Variants in ROR2 observed in about 807,000 individuals in gnomAD.
The protein encoded by ROR2 is tyrosine-protein kinase transmembrane receptor ROR2.
In ROR2, 33 loss-of-function variants were observed where a neutral mutation model predicts 74.9. The observed-to-expected ratio is 0.44, with a 90% CI of 0.33 to 0.59. The LOEUF (loss-of-function observed/expected upper bound fraction) is 0.59. ROR2 is among the 20% of genes least tolerant of loss of function. The pLI, the probability that ROR2 is intolerant of heterozygous loss-of-function variation, is 0.02. For missense variants in ROR2, 1,216 were observed against 1,313.8 expected (o/e 0.93, Z 1.15); for synonymous variants, 586 against 558.7 (o/e 1.05, Z -0.69).
chr9:91,732,463 C>T lies in ROR2; in HGVS notation c.937+659G>A, dbSNP rs1837275805. Among the ~76,000 whole-genome samples, 5 of 152,148 alleles carry T rather than the reference C, an allele frequency of 3.3e-5. No individual in the cohort carries two copies. The South Asian group carries it at 1.0e-3, about 31-fold the overall frequency. On this transcript the variant is annotated intron_variant, in intron 6 of 8. Coordinates refer to ENST00000375708, the MANE Select transcript of ROR2 (RefSeq NM_004560.4). The stretch of plus-strand genomic sequence containing the variant: ...CCAGGCCCCGGGCTCAGAACTGTCC[C>T]CCTCCCCCACGCTCATCCCTTAGGC...
intron 1 of ROR2, among the ~76,000 whole-genome samples, chr9:91,919,254 C>T (rs1831210523): frequency 1.3e-5 from 2 of 152,202 alleles, no homozygotes; most frequent in African/African-American, 4.8e-5. Flanking sequence ...GATCCCCTTG[C>T]TTTTAAACAG....
intron 2 of ROR2, among the ~76,000 whole-genome samples, chr9:91,759,387 C>T (rs1292670099): frequency 6.6e-6 from 1 of 152,188 alleles, no homozygotes; most frequent in Non-Finnish European, 1.5e-5. Flanking sequence ...TTTCCATTCA[C>T]TGAATTAAGT....
intron 1 of ROR2, among the ~76,000 whole-genome samples, chr9:91,912,870 T>C (rs553211944): frequency 2.0e-5 from 3 of 152,272 alleles, no homozygotes; most frequent in Non-Finnish European, 4.4e-5. Context: ...GGCTCACGCC[T>C]GTAATCCCAG....
At chr9:91,815,038 T>C (rs1487590128) in intron 1 of ROR2, among the ~76,000 whole-genome samples, 2 of 152,188 alleles carry the variant, frequency 1.3e-5, no homozygotes, top group African/African-American at 4.8e-5. Context: ...TCACTGCCTG[T>C]TCAGAAAACA....
intron 1 of ROR2, among the ~76,000 whole-genome samples, chr9:91,846,122 T>A (rs1828922289): frequency 6.6e-6 from 1 of 152,124 alleles, no homozygotes; most frequent in Non-Finnish European, 1.5e-5. Context: ...AGGCCTGCTG[T>A]TCTCTCTCTG....
At chr9:91,873,866 C>T (rs1829877856) in intron 1 of ROR2, among the ~76,000 whole-genome samples, 2 of 152,174 alleles carry the variant, frequency 1.3e-5, no homozygotes, top group African/African-American at 2.4e-5. Flanking sequence ...TTTTCCTCCC[C>T]TGAATATTCA....
Position 91,800,627 on chromosome 9 carries a change from C to T in ROR2, c.98-24809G>A, listed in dbSNP as rs1010795885. Among the ~76,000 whole-genome samples the T allele has an allele frequency of 3.9e-5, 6 of 152,118 alleles. No individual in the cohort carries two copies. The South Asian group carries it at 6.2e-4, about 16-fold the overall frequency. On this transcript the variant is annotated intron_variant, in intron 1 of 8. Transcript: ENST00000375708. ...AATGTTAACACAAAACTGAGGCCAT[C>T]GAGGCAGATCAGCTTCCTGATCAAG...
chr9:91,859,613 A>G (rs1220322001), intron 1 of ROR2, among the ~76,000 whole-genome samples: 2 of 152,112 alleles, frequency 1.3e-5, no homozygotes, highest in Non-Finnish European at 2.9e-5. Flanking sequence ...ACCAGAAGTC[A>G]GGAGTTCAAG....
chr9:91,807,041 A>T (rs1827590918), intron 1 of ROR2, among the ~76,000 whole-genome samples: 1 of 152,194 alleles, frequency 6.6e-6, no homozygotes, highest in African/African-American at 2.4e-5. Context: ...AATCAGACTT[A>T]GGGTCATAAA....
intron 1 of ROR2, among the ~76,000 whole-genome samples, chr9:91,844,934 A>G (rs938786545): frequency 3.9e-5 from 6 of 152,208 alleles, no homozygotes; most frequent in African/African-American, 1.4e-4. Context: ...CATTTTCTAC[A>G]CACGCATCCT....
intron 8 of ROR2, among the ~76,000 whole-genome samples, chr9:91,726,020 CAT>C (rs1837017272): frequency 6.6e-6 from 1 of 152,228 alleles, no homozygotes; most frequent in Admixed American, 6.5e-5. Flanking sequence ...GGCTGCAGCA[CAT>C]GTTCTCATCT....
At chr9:91,751,335 A>T (rs1243687845) in intron 4 of ROR2, among the ~76,000 whole-genome samples, 4 of 152,232 alleles carry the variant, frequency 2.6e-5, no homozygotes, top group Non-Finnish European at 4.4e-5. Context: ...AACCTCCCAA[A>T]AAAAGTCTAG....
intron 4 of ROR2, among the ~76,000 whole-genome samples, chr9:91,746,806 A>G (rs181068625): frequency 1.8e-4 from 27 of 152,296 alleles, no homozygotes; most frequent in Admixed American, 1.6e-3. Context: ...AGAGGCCAAT[A>G]ATTAACATAA....
intron 1 of ROR2, among the ~76,000 whole-genome samples, chr9:91,889,445 A>G (rs1830370587): frequency 6.6e-6 from 1 of 152,176 alleles, no homozygotes; most frequent in East Asian, 1.9e-4. Flanking sequence ...TGCATGCTAG[A>G]CGTGGTTGGG....
At chr9:91,839,254 GTGT>G (rs1563991764) in intron 1 of ROR2, among the ~76,000 whole-genome samples, 81 of 35,782 alleles carry the variant, frequency 2.3e-3, no homozygotes, top group African/African-American at 5.8e-3. Context: ...GATCGGGGGT[GTGT>G]GTGTGTGTGT....
chr9:91,771,471 G>GT (rs1826224888), intron 2 of ROR2, among the ~76,000 whole-genome samples: 1 of 152,214 alleles, frequency 6.6e-6, no homozygotes, highest in Non-Finnish European at 1.5e-5. Flanking sequence ...ATGTATGTGT[G>GT]TATGTCTCCT....
At chr9:91,926,382 CAA>C (rs34847971) in intron 1 of ROR2, among the ~76,000 whole-genome samples, 26 of 137,196 alleles carry the variant, frequency 1.9e-4, no homozygotes, top group Admixed American at 3.6e-4. Context: ...GACTCCGTCT[CAA>C]AAAAAAAAAA....
rs189020028 is a variant in ROR2 at position 91,766,522 on chromosome 9, G to A, written c.176-8963C>T. 4.1e-4 allele frequency among the ~76,000 whole-genome samples: 62 copies of A among 152,262 alleles called. 1 individual carries two copies. The highest frequency in any genetic ancestry group is 4.0e-3 in the Admixed American group (61 of 15,304). ...ATGAGTCTGGTCCACCATTTTCAAC[G>A]TCATCGATTCTCTAGGGGCCAAACA... On this transcript the variant is annotated intron_variant, in intron 2 of 8. Transcript: ENST00000375708.
intron 1 of ROR2, among the ~76,000 whole-genome samples, chr9:91,940,717 C>T (rs944445917): frequency 6.6e-6 from 1 of 151,390 alleles, no homozygotes; most frequent in Non-Finnish European, 1.5e-5. Flanking sequence ...GTCTCTGTCT[C>T]GGCCTCCCGA....
Sources: allele counts gnomAD v4.1 joint callset (sites outside exome capture counted in the v4.1 genomes callset), GRCh38; gene constraint gnomAD v4.1.1; transcripts MANE v1.5; gene names NCBI Gene and HGNC (gene_info 2026-07-23, HGNC 2026-07-21).